AFAP1: variants seen among roughly 807,000 people sequenced by gnomAD.
AFAP1 encodes the protein actin filament-associated protein 1.
AFAP1 carries 75 observed loss-of-function variants against 93.9 expected under a neutral mutation model. The ratio of observed to expected loss-of-function variants is 0.80; its 90% CI spans 0.66 to 0.97. The LOEUF is 0.97. AFAP1 is among the 50% of genes least tolerant of loss of function. AFAP1 has a pLI of 0.00. For missense variants in AFAP1, 1,201 were observed against 1,050.8 expected (o/e 1.14, Z -1.98); for synonymous variants, 517 against 430.7 (o/e 1.20, Z -2.48).
At chr4:7,785,213 C>T (rs145867751) in intron 12 of AFAP1, among the ~76,000 whole-genome samples, 402 of 152,264 alleles carry the variant, frequency 2.6e-3, no homozygotes, top group African/African-American at 9.1e-3. Flanking sequence ...AGGCAGACAC[C>T]GTAGAACCAG....
At chr4:7,859,946 A>T (rs1208553738) in intron 3 of AFAP1, among the ~76,000 whole-genome samples, 3 of 152,176 alleles carry the variant, frequency 2.0e-5, no homozygotes, top group African/African-American at 7.2e-5. Flanking sequence ...GCTCAAGACC[A>T]GCCTGGGCAA....
chr4:7,821,539 G>T (rs889709917), intron 6 of AFAP1, among the ~76,000 whole-genome samples: 4 of 152,156 alleles, frequency 2.6e-5, no homozygotes, highest in Non-Finnish European at 4.4e-5. Flanking sequence ...GATCACGGGG[G>T]ACGTGCAGCA....
chr4:7,778,540 G>C, intron 14 of AFAP1: 1 of 594,582 alleles, frequency 1.7e-6, no homozygotes, highest in South Asian at 2.0e-5. Flanking sequence ...GATCCCACAG[G>C]TGGCAAACCA....
At chr4:7,824,500 G>C (rs903379266) in intron 6 of AFAP1, among the ~76,000 whole-genome samples, 1 of 152,150 alleles carries the variant, frequency 6.6e-6, no homozygotes, top group African/African-American at 2.4e-5. Flanking sequence ...GAGACAGAGA[G>C]CAGAAACAAA....
At chr4:7,842,874 C>T (rs953604356) in intron 5 of AFAP1, 25 of 453,032 alleles carry the variant, frequency 5.5e-5, no homozygotes, top group East Asian at 5.3e-4. Context: ...AAACCACAGG[C>T]CCTGCCCGGG....
chr4:7,793,991 G>C (rs921425411), intron 10 of AFAP1, among the ~76,000 whole-genome samples, 165 bp from the exon 11 acceptor site: 2 of 152,198 alleles, frequency 1.3e-5, no homozygotes, highest in African/African-American at 4.8e-5. Flanking sequence ...CGTCACGTTC[G>C]CAGCAGGCCT....
chr4:7,772,920 A>C lies in AFAP1; in HGVS notation c.2153T>G (p.Leu718Arg), dbSNP rs1468049419. The stretch of plus-strand genomic sequence containing the variant: ...GCTCTCCTTGACCTCCGTCAGCTCC[A>C]GCTCCAGGCTGACACGCTCCGCCTC... ...QKEAERVSLE[L>R]ELTEVKESLK... The change falls in exon 16 of 18, where the codon CTG becomes CGG. Residue 718 changes from leucine (L) to arginine (R), a missense_variant. By Grantham distance (102) the Leu-to-Arg change is moderately radical. Transcript: ENST00000420658. The C allele has an allele frequency of 6.2e-7, 1 of 1,613,996 alleles. No individual in the cohort carries two copies. Among genetic ancestry groups the C allele is most frequent in the African/African-American group, 1.3e-5 (1 of 74,938 alleles).
At chr4:7,843,876 GA>G (rs1713362333) in intron 4 of AFAP1, 1 of 163,546 alleles carries the variant, frequency 6.1e-6, no homozygotes, top group Non-Finnish European at 1.4e-5. Context: ...AACTTTGACA[GA>G]AATGTACACC....
At chr4:7,934,862 T>C (rs1721287619) in intron 1 of AFAP1, among the ~76,000 whole-genome samples, 1 of 152,264 alleles carries the variant, frequency 6.6e-6, no homozygotes, top group South Asian at 2.1e-4. Flanking sequence ...ATGGGAATGC[T>C]ATTTACGTGG....
intron 15 of AFAP1, chr4:7,773,694 A>G (rs534081315): frequency 6.5e-6 from 1 of 152,716 alleles, no homozygotes; most frequent in African/African-American, 2.4e-5. Flanking sequence ...CTTCTGTCTC[A>G]TTAAACTCCA....
chr4:7,784,619 C>A (rs887282713), intron 12 of AFAP1, among the ~76,000 whole-genome samples: 1 of 152,106 alleles, frequency 6.6e-6, no homozygotes, highest in Non-Finnish European at 1.5e-5. Context: ...CGGCCTCCCC[C>A]ACAGGAACCC....
chr4:7,832,672 A>G (rs1330386297), intron 6 of AFAP1, among the ~76,000 whole-genome samples: 1 of 149,762 alleles, frequency 6.7e-6, no homozygotes, highest in African/African-American at 2.4e-5. Flanking sequence ...TCATATGTTA[A>G]AAAAAAAAAA....
rs766034305 is a variant in AFAP1, at chr4:7,768,925, C to T, written c.2337G>A (p.Val779=). Residue 779 remains valine (V), a synonymous_variant, in exon 17 of 18, where the codon GTG becomes GTA. Coordinates refer to ENST00000420658, the MANE Select transcript of AFAP1 (RefSeq NM_001134647.2). ...DTSDTEGPVP[V]NSAAVLKKSQ... ...TCTTCTTCAAGACGGCCGCGCTGTT[C>T]ACCGGCACGGGGCCCTCGGTGTCAC... 1 of 1,613,832 alleles carries T rather than the reference C, an allele frequency of 6.2e-7. No individual in the cohort carries two copies. Among genetic ancestry groups the T allele is most frequent in the South Asian group, 1.1e-5 (1 of 91,066 alleles).
intron 17 of AFAP1, among the ~76,000 whole-genome samples, chr4:7,767,387 TAAAG>T (rs951388352): frequency 2.0e-5 from 3 of 152,192 alleles, no homozygotes; most frequent in Non-Finnish European, 2.9e-5. Flanking sequence ...TCTTTGATGA[TAAAG>T]AAACTAAATA....
At chr4:7,896,548 AGGGCTC>A (rs1718781355) in intron 1 of AFAP1, among the ~76,000 whole-genome samples, 1 of 138,832 alleles carries the variant, frequency 7.2e-6, no homozygotes, top group Admixed American at 7.3e-5. Context: ...CCCCACACCC[AGGGCTC>A]AGTCCTCACT....
chr4:7,803,421 G>A (rs1719228136), intron 9 of AFAP1, among the ~76,000 whole-genome samples: 1 of 152,226 alleles, frequency 6.6e-6, no homozygotes, highest in Admixed American at 6.5e-5. Flanking sequence ...CAGGGCAGCA[G>A]TTCCCAACCA....
At chr4:7,916,007 C>T (rs763016916) in intron 1 of AFAP1, among the ~76,000 whole-genome samples, 5 of 101,730 alleles carry the variant, frequency 4.9e-5, no homozygotes, top group East Asian at 6.4e-4. Flanking sequence ...GGCTCATCCC[C>T]GGCCTCCTCA....
chr4:7,810,882 T>C (rs1040849083), intron 8 of AFAP1, among the ~76,000 whole-genome samples: 2 of 152,190 alleles, frequency 1.3e-5, no homozygotes, highest in African/African-American at 4.8e-5. Context: ...TGGCATCCTA[T>C]GTCTGCCCCA....
intron 6 of AFAP1, among the ~76,000 whole-genome samples, chr4:7,819,489 C>T (rs984833870): frequency 2.6e-5 from 4 of 152,128 alleles, no homozygotes; most frequent in Admixed American, 6.5e-5. Context: ...GACAGCAACA[C>T]GAGACCGCAG....
Sources: allele counts gnomAD v4.1 joint callset (sites outside exome capture counted in the v4.1 genomes callset), GRCh38; gene constraint gnomAD v4.1.1; transcripts MANE v1.5; gene names NCBI Gene and HGNC (gene_info 2026-07-23, HGNC 2026-07-21).